Variants in ZNF345 observed in about 807,000 individuals in gnomAD.
ZNF345 encodes zinc finger protein HZF10.
For synonymous variants in ZNF345, 166 were observed against 187.9 expected (o/e 0.88, Z 0.95); for missense variants, 527 against 589.9 (o/e 0.89, Z 1.10).
chr19:36,882,430 G>C (rs2072974496), downstream of ZNF345, among the ~76,000 whole-genome samples: 2 of 151,614 alleles, frequency 1.3e-5, no homozygotes, highest in Admixed American at 6.6e-5. Context: ...ACCACGCCTG[G>C]CTAATTTTTG....
chr19:36,856,630 C>T (rs1352790348), intron 2 of ZNF345, among the ~76,000 whole-genome samples: 2 of 152,144 alleles, frequency 1.3e-5, no homozygotes, highest in Admixed American at 6.5e-5. Flanking sequence ...CCGAGGCAGG[C>T]GCATCACCTG....
intron 3 of ZNF345, chr19:36,891,443 T>TA (rs768649215): frequency 4.0e-6 from 6 of 1,496,746 alleles, no homozygotes; most frequent in Admixed American, 2.3e-5. Flanking sequence ...TTACCTGTTT[T>TA]AAAAAAATTA....
At chr19:36,866,874 CTTGT>C (rs1292200511) in intron 2 of ZNF345, among the ~76,000 whole-genome samples, 1 of 152,192 alleles carries the variant, frequency 6.6e-6, no homozygotes, top group Admixed American at 6.5e-5. Flanking sequence ...TTAGATATAT[CTTGT>C]TTATCTCCAC....
chr19:36,858,779 C>A (rs572519166), intron 2 of ZNF345, among the ~76,000 whole-genome samples: 5 of 151,938 alleles, frequency 3.3e-5, no homozygotes, highest in African/African-American at 1.2e-4. Flanking sequence ...AAATAAAAAT[C>A]AAAATAAAAA....
intron 2 of ZNF345, among the ~76,000 whole-genome samples, chr19:36,864,078 A>C (rs1304364882): frequency 6.6e-6 from 1 of 152,238 alleles, no homozygotes; most frequent in East Asian, 1.9e-4. Context: ...ATTCTGTTGC[A>C]GTCAATATCT....
At chr19:36,885,765 A>T (rs2072992736) in intron 3 of ZNF345, among the ~76,000 whole-genome samples, 1 of 152,204 alleles carries the variant, frequency 6.6e-6, no homozygotes, top group Non-Finnish European at 1.5e-5. Flanking sequence ...ACATAGAATG[A>T]AGTCTGAGAG....
At chr19:36,881,142 TTTACAGA>T (rs1329408578), downstream of ZNF345, among the ~76,000 whole-genome samples, 1 of 152,208 alleles carries the variant, frequency 6.6e-6, no homozygotes, top group African/African-American at 2.4e-5. Flanking sequence ...CTCTAGAGAC[TTTACAGA>T]TTACAGGTTG....
chr19:36,876,600 C>T (rs2072885381), intron 2 of ZNF345, among the ~76,000 whole-genome samples, 185 bp from the exon 3 acceptor site: 1 of 152,170 alleles, frequency 6.6e-6, no homozygotes, highest in Non-Finnish European at 1.5e-5. Flanking sequence ...TCTAGTCTGA[C>T]TTTTACTCAT....
chr19:36,885,319 A>C (rs1250094252), intron 3 of ZNF345, among the ~76,000 whole-genome samples: 1 of 151,500 alleles, frequency 6.6e-6, no homozygotes, highest in Non-Finnish European at 1.5e-5. Context: ...TCTTGTATGC[A>C]GGGTTGGTAA....
chr19:36,859,413 C>T (rs1206312593), intron 2 of ZNF345, among the ~76,000 whole-genome samples: 1 of 152,056 alleles, frequency 6.6e-6, no homozygotes, highest in Non-Finnish European at 1.5e-5. Context: ...GCCTCAGCCT[C>T]CCAAAGTGCT....
intron 2 of ZNF345, among the ~76,000 whole-genome samples, chr19:36,867,508 T>C (rs1014494638): frequency 4.6e-5 from 7 of 152,226 alleles, no homozygotes; most frequent in African/African-American, 1.7e-4. Context: ...GCACAAACTT[T>C]TAACTTGGAT....
In ZNF345 at chr19:36,854,798, CT is replaced by C. The variant is rs1267811744; in HGVS notation, c.-47+2895del. Among the ~76,000 whole-genome samples, 4 of 151,494 alleles carry C rather than the reference CT, an allele frequency of 2.6e-5. No homozygotes were observed. The East Asian group carries it at 7.7e-4, about 29-fold the overall frequency. On this transcript the variant is annotated intron_variant, in intron 2 of 2. Coordinates refer to ENST00000420450, the MANE Select transcript of ZNF345 (RefSeq NM_001242472.2). ...TTAGTAACATCTGGTACAATCAAGC[CT>C]GCTTTTTCGTTATCTTTTACTCTTC...
intron 2 of ZNF345, among the ~76,000 whole-genome samples, chr19:36,869,278 G>T (rs2072727183): frequency 6.6e-6 from 1 of 151,620 alleles, no homozygotes; most frequent in Non-Finnish European, 1.5e-5. Flanking sequence ...TGAAAGATAA[G>T]GATACAAATT....
chr19:36,875,654 C>T lies in ZNF345; in HGVS notation c.-46-1131C>T, dbSNP rs2072868844. On this transcript the variant is annotated intron_variant, in intron 2 of 2. Coordinates refer to ENST00000420450, the MANE Select transcript of ZNF345 (RefSeq NM_001242472.2). ...GGTAGAAGAAATGCTGGTTTAGTGTCCAAGCAAAAGATAATTTTGATTTGG... is the reference window on the plus strand; with the variant it reads ...GGTAGAAGAAATGCTGGTTTAGTGTTCAAGCAAAAGATAATTTTGATTTGG... Among the ~76,000 whole-genome samples, 3 of 152,180 alleles carry T rather than the reference C, an allele frequency of 2.0e-5. No homozygotes were observed. The South Asian group carries it at 6.2e-4, about 32-fold the overall frequency.
At chr19:36,859,123 G>A (rs935091198) in intron 2 of ZNF345, among the ~76,000 whole-genome samples, 5 of 151,568 alleles carry the variant, frequency 3.3e-5, no homozygotes, top group Non-Finnish European at 2.9e-5. Flanking sequence ...AAAAGCTTTG[G>A]GTTTTGTAAA....
chr19:36,882,679 A>G (rs1360894048), downstream of ZNF345, among the ~76,000 whole-genome samples: 1 of 152,152 alleles, frequency 6.6e-6, no homozygotes, highest in Non-Finnish European at 1.5e-5. Flanking sequence ...TAAATTTTCA[A>G]AAACCTGTGA....
Position 36,892,315 on chromosome 19 carries a change from T to C in ZNF345, c.47-503T>C, listed in dbSNP as rs777618103. 1 of 1,613,704 alleles carries C rather than the reference T, an allele frequency of 6.2e-7. No homozygotes were observed. Among genetic ancestry groups the C allele is most frequent in the African/African-American group, 1.3e-5 (1 of 74,942 alleles). On this transcript the variant is annotated intron_variant, in intron 3 of 3. Coordinates refer to the ZNF345 transcript ENST00000526123. ...TTGATTAAAGGTCTTTCCACATATCTTACATTCCCATGGTTTCTCTTCACT... is the reference window on the plus strand; with the variant it reads ...TTGATTAAAGGTCTTTCCACATATCCTACATTCCCATGGTTTCTCTTCACT...
At chr19:36,876,462 A>C (rs921754069) in intron 2 of ZNF345, among the ~76,000 whole-genome samples, 1 of 152,224 alleles carries the variant, frequency 6.6e-6, no homozygotes, top group African/African-American at 2.4e-5. Flanking sequence ...ACATCTGTAT[A>C]ATTACCAAGC....
intron 2 of ZNF345, among the ~76,000 whole-genome samples, chr19:36,873,523 A>T (rs190623260): frequency 1.1e-4 from 17 of 152,248 alleles, no homozygotes; most frequent in Admixed American, 1.0e-3. Flanking sequence ...TCTCATCAAA[A>T]ATCTCAAATA....
Sources: allele counts gnomAD v4.1 joint callset (sites outside exome capture counted in the v4.1 genomes callset), GRCh38; gene constraint gnomAD v4.1.1; transcripts MANE v1.5; gene names NCBI Gene and HGNC (gene_info 2026-07-23, HGNC 2026-07-21).